ADCK2: variants seen among roughly 807,000 people sequenced by gnomAD.
The protein encoded by ADCK2 is aarF domain containing kinase 2, also known as uncharacterized aarF domain-containing protein kinase 2.
ADCK2 carries 37 observed loss-of-function variants against 52.3 expected under a neutral mutation model. That is an observed-to-expected ratio of 0.71 (90% CI 0.54 to 0.93). ADCK2 has a LOEUF of 0.93. ADCK2 is among the 40% of genes least tolerant of loss of function. The pLI is 0.00. For missense variants in ADCK2, 695 were observed against 798.7 expected (o/e 0.87, Z 1.56); for synonymous variants, 321 against 349.2 (o/e 0.92, Z 0.90).
rs1035263677 is a variant in ADCK2 at position 140,673,185 on chromosome 7, T to G, written c.-146T>G. The G allele has an allele frequency of 1.8e-6, 1 of 562,538 alleles. No homozygotes were observed. The allele number at this position is 562,538 out of a possible 1,614,324, so 34.8% of individuals were successfully genotyped here. ...GCCTCCGGCCTGAGGCCCGGCGAGG[T>G]GCTGGAGGGAGCGGGGCGCGGATCC... On this transcript the variant is annotated 5_prime_UTR_variant, in exon 1 of 8. Transcript: ENST00000072869. The surrounding 1 kb of genome is among the most constrained non-coding windows in gnomAD (Gnocchi z 6.4).
chr7:140,673,117 CGCGCGGCGCG>C lies in ADCK2; in HGVS notation c.-200_-191del, dbSNP rs569845382. 1.6e-4 allele frequency: 50 copies of C among 303,092 alleles called. 1 individual carries two copies. The highest frequency in any genetic ancestry group is 1.4e-3 in the East Asian group (25 of 18,198). The allele number at this position is 303,092 out of a possible 1,614,324, so 18.8% of individuals were successfully genotyped here. A position where few individuals can be genotyped will look rare whatever the true frequency, so the allele number is the denominator to read the frequency against. ...GTTGGTGCCGTCTGACAGCCCCTTCCGCGCGGCGCGGCGCGGCGCGGCGGGTGTCGGGCGG... is the reference window on the plus strand; with the variant it reads ...GTTGGTGCCGTCTGACAGCCCCTTCCGCGCGGCGCGGCGGGTGTCGGGCGG... On this transcript the variant is annotated 5_prime_UTR_variant, in exon 1 of 8. Transcript: ENST00000072869. The surrounding 1 kb of genome is among the most constrained non-coding windows in gnomAD (Gnocchi z 6.4).
chr7:140,693,103 A>G lies in ADCK2; in HGVS notation c.1741-1560A>G, dbSNP rs926268280. Reference sequence around the variant, plus strand: ...ATGTTGAACATCTTTTCATATGCCAATTGGCCATTTGTATAATATATCTTC... The same window carrying G: ...ATGTTGAACATCTTTTCATATGCCAGTTGGCCATTTGTATAATATATCTTC... On this transcript the variant is annotated intron_variant, in intron 7 of 7. Transcript: ENST00000072869. The surrounding 1 kb of genome is among the most constrained non-coding windows in gnomAD (Gnocchi z 4.0). Among the ~76,000 whole-genome samples the G allele has an allele frequency of 1.3e-5, 2 of 152,330 alleles. No individual in the cohort carries two copies. The highest frequency in any genetic ancestry group is 2.1e-4 in the South Asian group (1 of 4,822).
At chr7:140,687,641 G>T (rs1563209861) in intron 5 of ADCK2, among the ~76,000 whole-genome samples, 1 of 152,012 alleles carries the variant, frequency 6.6e-6, no homozygotes, top group Non-Finnish European at 1.5e-5. Flanking sequence ...TTGAACCTGG[G>T]GGGCATAGGT....
chr7:140,681,590 G>A (rs1254815447), intron 4 of ADCK2, among the ~76,000 whole-genome samples: 2 of 151,994 alleles, frequency 1.3e-5, no homozygotes, highest in Non-Finnish European at 2.9e-5. Flanking sequence ...AAAGTGCTGG[G>A]ATTACAGGTG....
chr7:140,691,183 C>T (rs904488645), intron 7 of ADCK2, among the ~76,000 whole-genome samples: 1 of 152,156 alleles, frequency 6.6e-6, no homozygotes, highest in Non-Finnish European at 1.5e-5. Context: ...TTCTCGGCCT[C>T]CCAAAGTGCT....
chr7:140,690,300 T>A (rs953507162), intron 6 of ADCK2, among the ~76,000 whole-genome samples: 1 of 152,116 alleles, frequency 6.6e-6, no homozygotes, highest in Admixed American at 6.6e-5. Flanking sequence ...CCTCCCGGAT[T>A]CAAGCGATTC....
In ADCK2 at chr7:140,679,223, C is replaced by G. The variant is rs760787988; in HGVS notation, c.1149C>G (p.Val383=). Residue 383 remains valine (V), a synonymous_variant, in exon 3 of 8, where the codon GTC becomes GTG. Transcript: ENST00000072869. ...TCAACTTCCGGAATGTGAAAGCCGTCAAGTTCCCCACCCCTCTGCGCCCCT... is the reference window on the plus strand; with the variant it reads ...TCAACTTCCGGAATGTGAAAGCCGTGAAGTTCCCCACCCCTCTGCGCCCCT... ...FQVNFRNVKA[V]KFPTPLRPFV... is the part of the protein sequence containing the mutation. 6.2e-7 allele frequency: 1 copy of G among 1,614,132 alleles called. No individual in the cohort carries two copies. Among genetic ancestry groups the G allele is most frequent in the South Asian group, 1.1e-5 (1 of 91,076 alleles).
At chr7:140,685,864 G>C (rs537864675) in intron 4 of ADCK2, among the ~76,000 whole-genome samples, 1 of 152,202 alleles carries the variant, frequency 6.6e-6, no homozygotes, top group South Asian at 2.1e-4. Context: ...GTTATTGGAA[G>C]CTGATTCCTG....
At position 140,684,729 on chromosome 7, in the gene ADCK2, C is replaced by T. The variant is rs116966830; in HGVS notation, c.1306-2261C>T. Among the ~76,000 whole-genome samples the T allele has an allele frequency of 3.5e-3, 527 of 152,218 alleles. 1 individual carries two copies. Among genetic ancestry groups the T allele is most frequent in the African/African-American group, 5.7e-3 (235 of 41,528 alleles). ...CACGCACATGCGGAAGGCTGAGAGC[C>T]GTTGTGGGGGTGGGCTCAGGTGACA... is the stretch of plus-strand genomic sequence containing the variant. On this transcript the variant is annotated intron_variant, in intron 4 of 7. Transcript: ENST00000072869.
rs1794467802 is a variant in ADCK2 at position 140,678,857 on chromosome 7, A to G, written c.1081-298A>G. Reference sequence around the variant, plus strand: ...CCCCAGGGAGACGGGGAAGGGACTCATGGGCTGGTGTGAGGCAGGCGGGTG... The same window carrying G: ...CCCCAGGGAGACGGGGAAGGGACTCGTGGGCTGGTGTGAGGCAGGCGGGTG... On this transcript the variant is annotated intron_variant, in intron 2 of 7. Transcript: ENST00000072869. This position sits in a 1 kb window ranked among gnomAD's most constrained non-coding sequence, Gnocchi z 4.9. Among the ~76,000 whole-genome samples, 1 of 152,162 alleles carries G rather than the reference A, an allele frequency of 6.6e-6. No homozygotes were observed. The highest frequency in any genetic ancestry group is 2.4e-5 in the African/African-American group (1 of 41,448).
chr7:140,688,438 A>C (rs372579018), intron 5 of ADCK2, among the ~76,000 whole-genome samples: 3 of 152,248 alleles, frequency 2.0e-5, no homozygotes, highest in East Asian at 3.9e-4. Flanking sequence ...GAGTGGAGGG[A>C]GGCAGGAGGA....
intron 2 of ADCK2, among the ~76,000 whole-genome samples, chr7:140,676,636 T>C (rs1276466075): frequency 6.6e-6 from 1 of 152,236 alleles, no homozygotes; most frequent in African/African-American, 2.4e-5. Flanking sequence ...AGTCCCATCA[T>C]GTTCCTAGGC....
intron 5 of ADCK2, 30 bp from the exon 6 acceptor site, chr7:140,689,567 T>G: frequency 6.4e-7 from 1 of 1,574,318 alleles, no homozygotes. Flanking sequence ...CTAGCTCCAC[T>G]CCAAGTCCCT....
Position 140,694,758 on chromosome 7 carries a change from G to A in ADCK2, c.1836G>A (p.Glu612=), listed in dbSNP as rs147782813. The A allele has an allele frequency of 1.1e-3, 1,749 of 1,614,022 alleles. 6 individuals are homozygous for A. Among genetic ancestry groups the A allele is most frequent in the Middle Eastern group, 5.4e-3 (33 of 6,062 alleles). Residue 612 remains glutamate, a synonymous_variant, in exon 8 of 8, where the codon GAG becomes GAA. Coordinates refer to ENST00000072869, the MANE Select transcript of ADCK2 (RefSeq NM_052853.4). ...RSLDPKLDIL[E]AARPFLLTGP... ...TGGACCCCAAACTGGACATCCTGGA[G>A]GCAGCGAGGCCCTTCCTCCTCACGG...
At position 140,695,088 on chromosome 7, in the gene ADCK2, C is replaced by A. The variant is rs1794777308; in HGVS notation, c.*285C>A. 2 of 1,162,348 alleles carry A rather than the reference C, an allele frequency of 1.7e-6. No individual in the cohort carries two copies. Among genetic ancestry groups the A allele is most frequent in the Non-Finnish European group, 2.1e-6 (2 of 944,024 alleles). The allele number at this position is 1,162,348 out of a possible 1,614,324, so 72.0% of individuals were successfully genotyped here. ...AGGGAAAATGTTATGTGGAGGAGGA[C>A]GAATAAATTTATTTTGTTTTCCTGT... On this transcript the variant is annotated 3_prime_UTR_variant, in exon 8 of 8. Transcript: ENST00000072869.
chr7:140,687,915 G>A (rs1379407486), intron 5 of ADCK2, among the ~76,000 whole-genome samples: 2 of 150,334 alleles, frequency 1.3e-5, no homozygotes, highest in Non-Finnish European at 3.0e-5. Context: ...AATTAATGGA[G>A]ATGGGTTTTG....
rs751503177 is a variant in ADCK2 at position 140,673,543 on chromosome 7, C to T, written c.213C>T (p.Arg71=). 2 of 1,600,920 alleles carry T rather than the reference C, an allele frequency of 1.2e-6. No homozygotes were observed. Among genetic ancestry groups the T allele is most frequent in the South Asian group, 2.2e-5 (2 of 90,376 alleles). ...APDVLSRRRV[R]CSGAAGAGPA... is the part of the protein sequence containing the mutation. Reference sequence around the variant, plus strand: ...ACGTTCTGAGTCGGCGAAGGGTCCGCTGCAGCGGGGCGGCTGGCGCGGGGC... The same window carrying T: ...ACGTTCTGAGTCGGCGAAGGGTCCGTTGCAGCGGGGCGGCTGGCGCGGGGC... Residue 71 remains arginine (R), a synonymous_variant, in exon 1 of 8, where the codon CGC becomes CGT. Transcript: ENST00000072869. The surrounding 1 kb of genome is among the most constrained non-coding windows in gnomAD (Gnocchi z 6.4).
In ADCK2 at chr7:140,673,960, C is replaced by T; in HGVS notation, c.630C>T (p.Cys210=). The change falls in exon 1 of 8, where the codon TGC becomes TGT. Residue 210 remains cysteine (C), a synonymous_variant. Transcript: ENST00000072869. This position sits in a 1 kb window ranked among gnomAD's most constrained non-coding sequence, Gnocchi z 6.4. ...FENREPVGSG[C]VAQVYKAYAN... ...ACCGGGAACCTGTGGGCTCAGGCTG[C>T]GTGGCCCAGGTGTACAAAGCATACG... 1.2e-6 allele frequency: 2 copies of T among 1,614,018 alleles called. No homozygotes were observed. The highest frequency in any genetic ancestry group is 1.7e-6 in the Non-Finnish European group (2 of 1,180,038).
Position 140,686,972 on chromosome 7 carries a change from A to G in ADCK2, c.1306-18A>G. Reference sequence around the variant, plus strand: ...CTCTAGGGGCGACTCACTCATGAGCATTGTGATCTCCTTCCAGATATTTGT... The same window carrying G: ...CTCTAGGGGCGACTCACTCATGAGCGTTGTGATCTCCTTCCAGATATTTGT... On this transcript the variant is annotated intron_variant, in intron 4 of 7. Coordinates refer to ENST00000072869, the MANE Select transcript of ADCK2 (RefSeq NM_052853.4). The G allele has an allele frequency of 6.2e-7, 1 of 1,609,430 alleles. No homozygotes were observed. Among genetic ancestry groups the G allele is most frequent in the Non-Finnish European group, 8.5e-7 (1 of 1,175,978 alleles).
Sources: allele counts gnomAD v4.1 joint callset (sites outside exome capture counted in the v4.1 genomes callset), GRCh38; gene constraint gnomAD v4.1.1; non-coding constraint Gnocchi (gnomAD v3.1); transcripts MANE v1.5; gene names NCBI Gene and HGNC (gene_info 2026-07-23, HGNC 2026-07-21).